Variants in ADAMTSL1 observed in about 807,000 individuals in gnomAD.
The protein encoded by ADAMTSL1 is ADAMTS-like protein 1.
A neutral mutation model predicts 201.8 loss-of-function variants in ADAMTSL1; 126 were observed. The ratio of observed to expected loss-of-function variants is 0.62; its 90% CI spans 0.54 to 0.72. The LOEUF is 0.72. Ranked by LOEUF, ADAMTSL1 falls within the 30% of genes least tolerant of loss-of-function variation. ADAMTSL1 has a pLI of 0.00. For synonymous variants in ADAMTSL1, 1,121 were observed against 903.4 expected (o/e 1.24, Z -4.32); for missense variants, 2,679 against 2,277.8 (o/e 1.18, Z -3.59).
intron 2 of ADAMTSL1, among the ~76,000 whole-genome samples, chr9:18,265,402 T>C (rs1273251407): frequency 6.6e-6 from 1 of 152,204 alleles, no homozygotes; most frequent in East Asian, 1.9e-4. Context: ...ATTTCTGCTC[T>C]TGAATACTTA....
intron 21 of ADAMTSL1, among the ~76,000 whole-genome samples, chr9:18,823,615 A>G (rs1824349950): frequency 6.6e-6 from 1 of 152,082 alleles, no homozygotes; most frequent in Non-Finnish European, 1.5e-5. Flanking sequence ...TTTGCTGCCC[A>G]CAGCCCTCCT....
intron 2 of ADAMTSL1, among the ~76,000 whole-genome samples, chr9:18,218,051 T>TA (rs1407359866): frequency 1.3e-5 from 2 of 152,182 alleles, no homozygotes; most frequent in East Asian, 3.8e-4. Context: ...TGAAGAAATA[T>TA]AAAAAATAAG....
intron 2 of ADAMTSL1, among the ~76,000 whole-genome samples, chr9:18,350,008 G>A (rs980647223): frequency 1.3e-5 from 2 of 151,824 alleles, no homozygotes; most frequent in African/African-American, 2.4e-5. Context: ...AGCACAATGT[G>A]TTGTTGGCCT....
At chr9:18,659,340 T>G (rs904208905) in intron 8 of ADAMTSL1, among the ~76,000 whole-genome samples, 5 of 152,268 alleles carry the variant, frequency 3.3e-5, no homozygotes, top group African/African-American at 1.2e-4. Flanking sequence ...AATGTTGGAT[T>G]TTAGCTTAAA....
intron 3 of ADAMTSL1, among the ~76,000 whole-genome samples, chr9:18,549,022 C>G (rs756361936): frequency 4.5e-4 from 68 of 151,748 alleles, no homozygotes; most frequent in Non-Finnish European, 9.4e-4. Context: ...ACAAAAGGCT[C>G]CAATATACAT....
chr9:18,289,848 C>T (rs1412649240), intron 2 of ADAMTSL1, among the ~76,000 whole-genome samples: 1 of 152,162 alleles, frequency 6.6e-6, no homozygotes, highest in Non-Finnish European at 1.5e-5. Context: ...GAACTTTCAG[C>T]AAAGTTTCCA....
chr9:18,320,689 A>C (rs1834583160), intron 2 of ADAMTSL1, among the ~76,000 whole-genome samples: 1 of 152,170 alleles, frequency 6.6e-6, no homozygotes, highest in South Asian at 2.1e-4. Context: ...TATGGGAAAT[A>C]TATTAAAATA....
rs149694429 is a variant in ADAMTSL1, at chr9:18,455,159, T to G, written c.208-49670T>G. 8.3e-3 allele frequency among the ~76,000 whole-genome samples: 1,269 copies of G among 152,326 alleles called. 18 individuals are homozygous for G. Among genetic ancestry groups the G allele is most frequent in the African/African-American group, 0.028 (1,161 of 41,562 alleles). On this transcript the variant is annotated intron_variant, in intron 2 of 29. Transcript: ENST00000680146. ...TTACTGTTTATTGCAAAGTAAGCTT[T>G]AGGTATGAGAAATTTAATATGGAAC...
intron 14 of ADAMTSL1, among the ~76,000 whole-genome samples, chr9:18,711,882 G>C (rs1266265279): frequency 6.6e-5 from 10 of 151,870 alleles, no homozygotes; most frequent in African/African-American, 1.9e-4. Context: ...GGTTCTCCCA[G>C]CATGCAGCTG....
intron 4 of ADAMTSL1, among the ~76,000 whole-genome samples, chr9:18,596,632 C>G (rs1016764235): frequency 6.6e-6 from 1 of 152,118 alleles, no homozygotes; most frequent in Non-Finnish European, 1.5e-5. Context: ...ACCTTTAATC[C>G]TTGTGTGAAC....
intron 2 of ADAMTSL1, among the ~76,000 whole-genome samples, chr9:18,242,591 T>C (rs1338203356): frequency 2.6e-5 from 4 of 152,126 alleles, no homozygotes; most frequent in Non-Finnish European, 4.4e-5. Context: ...GAAGGTGGTA[T>C]GATCTATTAC....
intron 1 of ADAMTSL1, among the ~76,000 whole-genome samples, chr9:18,028,591 G>C (rs985691961): frequency 6.6e-6 from 1 of 152,010 alleles, no homozygotes; most frequent in Non-Finnish European, 1.5e-5. Flanking sequence ...CATTATTTCT[G>C]AGGGCTCTGT....
chr9:17,927,446 A>G (rs989872226), intron 1 of ADAMTSL1, among the ~76,000 whole-genome samples: 9 of 152,192 alleles, frequency 5.9e-5, no homozygotes, highest in African/African-American at 2.2e-4. Context: ...GTACATATAT[A>G]CATATACATG....
intron 20 of ADAMTSL1, among the ~76,000 whole-genome samples, chr9:18,813,188 G>A (rs1823619591): frequency 6.6e-6 from 1 of 151,910 alleles, no homozygotes; most frequent in Admixed American, 6.6e-5. Flanking sequence ...AATGGTCTCA[G>A]TCTCTTGACC....
chr9:18,212,647 G>A (rs775559944), intron 2 of ADAMTSL1, among the ~76,000 whole-genome samples: 31 of 152,058 alleles, frequency 2.0e-4, no homozygotes, highest in Admixed American at 3.3e-4. Context: ...ATGTTGGGCC[G>A]TTGTAAAAAT....
chr9:18,342,807 C>T (rs1835522524), intron 2 of ADAMTSL1, among the ~76,000 whole-genome samples: 1 of 152,118 alleles, frequency 6.6e-6, no homozygotes, highest in Admixed American at 6.6e-5. Context: ...GATTACCTCT[C>T]TGTGTTCTGA....
At chr9:17,997,508 G>A (rs1169157168) in intron 1 of ADAMTSL1, among the ~76,000 whole-genome samples, 16 of 152,124 alleles carry the variant, frequency 1.1e-4, no homozygotes, top group South Asian at 4.1e-4. Flanking sequence ...ACATATGTTG[G>A]TAACATTCAT....
chr9:18,464,460 T>G (rs1820925153), intron 2 of ADAMTSL1, among the ~76,000 whole-genome samples: 1 of 152,230 alleles, frequency 6.6e-6, no homozygotes, highest in Non-Finnish European at 1.5e-5. Context: ...GGTAAATAAT[T>G]TTTCTGTTTG....
At chr9:18,394,729 C>T (rs868193930) in intron 2 of ADAMTSL1, among the ~76,000 whole-genome samples, 35 of 152,216 alleles carry the variant, frequency 2.3e-4, no homozygotes, top group African/African-American at 8.2e-4. Flanking sequence ...ACACCAACCC[C>T]GAAAATAGTT....
Sources: allele counts gnomAD v4.1 joint callset (sites outside exome capture counted in the v4.1 genomes callset), GRCh38; gene constraint gnomAD v4.1.1; transcripts MANE v1.5; gene names NCBI Gene and HGNC (gene_info 2026-07-23, HGNC 2026-07-21).